EIF4ENIF1: variants seen among roughly 807,000 people sequenced by gnomAD.
EIF4ENIF1 encodes the protein eukaryotic translation initiation factor 4E nuclear import factor 1.
A neutral mutation model predicts 110.5 loss-of-function variants in EIF4ENIF1; 23 were observed. The ratio of observed to expected loss-of-function variants is 0.21; its 90% confidence interval spans 0.15 to 0.29. EIF4ENIF1 has a LOEUF of 0.29. EIF4ENIF1 is among the 10% of genes least tolerant of loss of function. The pLI, the probability that EIF4ENIF1 is intolerant of heterozygous loss-of-function variation, is 1.00. For synonymous variants in EIF4ENIF1, 440 were observed against 437.0 expected (o/e 1.01, Z -0.09); for missense variants, 1,031 against 1,221.1 (o/e 0.84, Z 2.32).
chr22:31,457,010 C>T (rs1045528222), intron 7 of EIF4ENIF1, among the ~76,000 whole-genome samples: 3 of 152,156 alleles, frequency 2.0e-5, no homozygotes, highest in African/African-American at 7.2e-5. Flanking sequence ...AAAACCATTG[C>T]TTCAAACTTA....
At chr22:31,455,014 A>T in intron 9 of EIF4ENIF1, 122 bp downstream of exon 9, 2 of 810,840 alleles carry the variant, frequency 2.5e-6, no homozygotes, top group Non-Finnish European at 3.7e-6. Context: ...AAAGAACATT[A>T]AACAAAAACC....
At chr22:31,451,369 G>A (rs1384655902) in intron 10 of EIF4ENIF1, 1 of 151,848 alleles carries the variant, frequency 6.6e-6, no homozygotes, top group Non-Finnish European at 1.5e-5. Context: ...TGCCTCCAGG[G>A]TTCAAGCAAT....
intron 14 of EIF4ENIF1, among the ~76,000 whole-genome samples, chr22:31,445,359 G>A (rs1251353865): frequency 1.3e-5 from 2 of 152,154 alleles, no homozygotes; most frequent in Admixed American, 6.5e-5. Flanking sequence ...TTGACCTCAG[G>A]CCTCAAAGGT....
intron 16 of EIF4ENIF1, among the ~76,000 whole-genome samples, 184 bp from the exon 17 acceptor site, chr22:31,442,302 G>A (rs929840395): frequency 6.6e-6 from 1 of 152,090 alleles, no homozygotes; most frequent in African/African-American, 2.4e-5. Context: ...ATGAATTGTT[G>A]GGCACCCTTC....
At chr22:31,473,067 T>A (rs1180030391) in intron 2 of EIF4ENIF1, among the ~76,000 whole-genome samples, 1 of 151,300 alleles carries the variant, frequency 6.6e-6, no homozygotes, top group African/African-American at 2.4e-5. Flanking sequence ...AGCGAGCTTT[T>A]TTTTTTTTTT....
chr22:31,462,772 G>C (rs1469920406), intron 6 of EIF4ENIF1, among the ~76,000 whole-genome samples, 160 bp downstream of exon 6: 1 of 151,994 alleles, frequency 6.6e-6, no homozygotes, highest in Admixed American at 6.6e-5. Context: ...TTGTGGAGAC[G>C]GGGTTTCACC....
intron 10 of EIF4ENIF1, among the ~76,000 whole-genome samples, chr22:31,452,520 C>G (rs2050704037): frequency 6.6e-6 from 1 of 152,108 alleles, no homozygotes; most frequent in Non-Finnish European, 1.5e-5. Flanking sequence ...ATATCAAATC[C>G]TAGAATCATA....
chr22:31,452,364 A>G (rs2050699694), intron 10 of EIF4ENIF1, among the ~76,000 whole-genome samples: 1 of 152,212 alleles, frequency 6.6e-6, no homozygotes, highest in Non-Finnish European at 1.5e-5. Flanking sequence ...AGTTTGTCTT[A>G]GCCTTTGCCT....
In EIF4ENIF1 at chr22:31,440,756, A is replaced by G. The variant is rs2050266450; in HGVS notation, c.2664T>C (p.Arg888=). 6.2e-7 allele frequency: 1 copy of G among 1,613,888 alleles called. No individual in the cohort carries two copies. The highest frequency in any genetic ancestry group is 1.6e-4 in the Middle Eastern group (1 of 6,080). Residue 888 remains arginine, a synonymous_variant, in exon 18 of 19, where the codon CGT becomes CGC. Coordinates refer to ENST00000330125, the MANE Select transcript of EIF4ENIF1 (RefSeq NM_019843.4). ...TTGCCAGATGCAGAGGTGTTCCAGGACGAGGGTTTAAGAGAGGGTGACTAG... is the reference window on the plus strand; with the variant it reads ...TTGCCAGATGCAGAGGTGTTCCAGGGCGAGGGTTTAAGAGAGGGTGACTAG... The part of the protein sequence containing the change: ...PAASHPLLNP[R]PGTPLHLAMV...
intron 2 of EIF4ENIF1, among the ~76,000 whole-genome samples, chr22:31,476,019 C>G (rs1430385489): frequency 1.3e-5 from 2 of 152,026 alleles, no homozygotes; most frequent in African/African-American, 4.8e-5. Context: ...TACTGTAACA[C>G]AGAAATCCTA....
chr22:31,463,135 TG>T lies in EIF4ENIF1; in HGVS notation c.586-3del. The T allele has an allele frequency of 3.7e-6, 6 of 1,612,744 alleles. No individual in the cohort carries two copies. Among genetic ancestry groups the T allele is most frequent in the Non-Finnish European group, 5.1e-6 (6 of 1,179,724 alleles). ...ACGCTTACTATCTCCAAACTCTCTCTGGAAAAGTACATAAAGCAAGATTAAA... is the reference window on the plus strand; with the variant it reads ...ACGCTTACTATCTCCAAACTCTCTCTGAAAAGTACATAAAGCAAGATTAAA... On this transcript the variant is annotated splice_region_variant and splice_polypyrimidine_tract_variant and intron_variant, in intron 5 of 18. Coordinates refer to ENST00000330125, the MANE Select transcript of EIF4ENIF1 (RefSeq NM_019843.4).
rs1238397322 is a variant in EIF4ENIF1 at position 31,488,762 on chromosome 22, C to T, written c.-27-17G>A. ...GCTCTGCACCTGGAAGATAAATCGG[C>T]ACAAAATTGTCACCGAGAACAGTAA... On this transcript the variant is annotated splice_polypyrimidine_tract_variant and intron_variant, in intron 1 of 18. Transcript: ENST00000330125. 2 of 1,582,948 alleles carry T rather than the reference C, an allele frequency of 1.3e-6. No homozygotes were observed. The highest frequency in any genetic ancestry group is 1.9e-5 in the Admixed American group (1 of 51,712).
chr22:31,451,573 A>C (rs2050677264), intron 10 of EIF4ENIF1, among the ~76,000 whole-genome samples: 1 of 151,808 alleles, frequency 6.6e-6, no homozygotes, highest in Non-Finnish European at 1.5e-5. Flanking sequence ...CGCACCCGGC[A>C]ACTTTATTAT....
chr22:31,479,887 A>T (rs1323388574), intron 2 of EIF4ENIF1, among the ~76,000 whole-genome samples: 1 of 151,684 alleles, frequency 6.6e-6, no homozygotes, highest in African/African-American at 2.4e-5. Context: ...AATTTAAAAA[A>T]TTTTTTGTAG....
chr22:31,442,126 G>T lies in EIF4ENIF1; in HGVS notation c.2207-8C>A. The T allele has an allele frequency of 6.3e-7, 1 of 1,585,512 alleles. No homozygotes were observed. Among genetic ancestry groups the T allele is most frequent in the South Asian group, 1.1e-5 (1 of 87,964 alleles). ...TGGATGACAGGAGGTTTTCTGTGAG[G>T]AACCAAACAAAAAATATTTTGGCAA... On this transcript the variant is annotated splice_region_variant and splice_polypyrimidine_tract_variant and intron_variant, in intron 16 of 18. Transcript: ENST00000330125.
chr22:31,474,420 A>G (rs1569098661), intron 2 of EIF4ENIF1, among the ~76,000 whole-genome samples: 2 of 151,608 alleles, frequency 1.3e-5, no homozygotes, highest in Non-Finnish European at 2.9e-5. Flanking sequence ...GTGGCGCTCA[A>G]ACTGTCCCAG....
chr22:31,474,161 A>G (rs143924300), intron 2 of EIF4ENIF1, among the ~76,000 whole-genome samples: 20 of 151,392 alleles, frequency 1.3e-4, no homozygotes, highest in Admixed American at 8.6e-4. Context: ...GGGTTGAAGC[A>G]CTTCTTCCAC....
Position 31,447,579 on chromosome 22 carries a change from G to A in EIF4ENIF1, c.1849-14C>T. On this transcript the variant is annotated splice_polypyrimidine_tract_variant and intron_variant, in intron 13 of 18. Transcript: ENST00000330125. ...CAGCTGGCTCATCTGCTGAAAAGGA[G>A]AGGGGAGGGTCAGGAGAAGAGTAAG... The A allele has an allele frequency of 6.3e-7, 1 of 1,597,288 alleles. No individual in the cohort carries two copies. The highest frequency in any genetic ancestry group is 8.6e-7 in the Non-Finnish European group (1 of 1,169,238).
Position 31,445,283 on chromosome 22 carries a change from T to A in EIF4ENIF1, c.1989-593A>T, listed in dbSNP as rs1282923940. On this transcript the variant is annotated intron_variant, in intron 14 of 18. Coordinates refer to ENST00000330125, the MANE Select transcript of EIF4ENIF1 (RefSeq NM_019843.4). ...ACAGAACTGATGCTGTGTGTGACACTCGTTCAAATCAAATACAGAATCAAG... is the reference window on the plus strand; with the variant it reads ...ACAGAACTGATGCTGTGTGTGACACACGTTCAAATCAAATACAGAATCAAG... Among the ~76,000 whole-genome samples the A allele has an allele frequency of 2.1e-5, 3 of 145,854 alleles. No homozygotes were observed. The East Asian group carries it at 6.7e-4, about 33-fold the overall frequency.
Sources: gnomAD v4.1 joint callset for allele counts (sites outside exome capture counted in the v4.1 genomes callset) on GRCh38, gnomAD v4.1.1 for gene constraint, MANE v1.5 for transcripts, NCBI Gene and HGNC (gene_info 2026-07-23, HGNC 2026-07-21) for gene names.